MMP16: variants seen among roughly 807,000 people sequenced by gnomAD.
MMP16 encodes matrix metallopeptidase 16.
In MMP16, 12 loss-of-function variants were observed where a neutral mutation model predicts 67.8. That is an observed-to-expected ratio of 0.18 (90% CI 0.11 to 0.29). MMP16 has a LOEUF of 0.29. Ranked by LOEUF, MMP16 falls within the 10% of genes least tolerant of loss-of-function variation. MMP16 has a pLI of 1.00. For missense variants in MMP16, 475 were observed against 765.7 expected (o/e 0.62, Z 4.48); for synonymous variants, 249 against 255.9 (o/e 0.97, Z 0.26).
At chr8:88,057,140 T>C (rs1007214487) in intron 7 of MMP16, among the ~76,000 whole-genome samples, 2 of 152,156 alleles carry the variant, frequency 1.3e-5, no homozygotes, top group South Asian at 2.1e-4. Context: ...ATTGACACTA[T>C]TGACCACCTT....
At chr8:88,146,728 T>C (rs1021752399) in intron 4 of MMP16, among the ~76,000 whole-genome samples, 5 of 151,950 alleles carry the variant, frequency 3.3e-5, no homozygotes, top group Non-Finnish European at 7.4e-5. Context: ...ATGAAAACAT[T>C]CTGGTATATA....
At chr8:88,325,645 T>TA (rs952286354) in intron 1 of MMP16, among the ~76,000 whole-genome samples, 12 of 152,132 alleles carry the variant, frequency 7.9e-5, no homozygotes, top group African/African-American at 2.9e-4. Flanking sequence ...AAATTTGCAA[T>TA]AAAAAAAGTC....
At chr8:88,250,220 A>G (rs1810187769) in intron 1 of MMP16, among the ~76,000 whole-genome samples, 1 of 152,042 alleles carries the variant, frequency 6.6e-6, no homozygotes, top group African/African-American at 2.4e-5. Flanking sequence ...TGCATGATCC[A>G]GCCACCAGAA....
At chr8:88,099,847 C>T (rs1239438201) in intron 6 of MMP16, among the ~76,000 whole-genome samples, 2 of 151,860 alleles carry the variant, frequency 1.3e-5, no homozygotes, top group Non-Finnish European at 2.9e-5. Flanking sequence ...CTTTACTTTG[C>T]ATTTTATATA....
chr8:88,069,162 T>C (rs546846635), intron 7 of MMP16: 194 of 237,208 alleles, frequency 8.2e-4, no homozygotes, highest in African/African-American at 4.3e-3. Context: ...ATAAATGTCA[T>C]TGTAATAATA....
chr8:88,247,399 T>C (rs575484526), intron 1 of MMP16, among the ~76,000 whole-genome samples: 4 of 152,082 alleles, frequency 2.6e-5, no homozygotes, highest in Admixed American at 6.5e-5. Flanking sequence ...TTCAGAAACA[T>C]GTGACGAGGC....
At chr8:88,153,147 C>T (rs1302764882) in intron 4 of MMP16, among the ~76,000 whole-genome samples, 5 of 146,112 alleles carry the variant, frequency 3.4e-5, no homozygotes, top group East Asian at 2.0e-4. Context: ...ACCTAGGAAT[C>T]CAACTTACAA....
chr8:88,175,994 A>C (rs1407992004), intron 3 of MMP16, among the ~76,000 whole-genome samples: 1 of 152,222 alleles, frequency 6.6e-6, no homozygotes, highest in Non-Finnish European at 1.5e-5. Context: ...CTGTGAGTCC[A>C]TTAAACTGTT....
At chr8:88,198,985 C>T (rs891867609) in intron 1 of MMP16, among the ~76,000 whole-genome samples, 2 of 152,012 alleles carry the variant, frequency 1.3e-5, no homozygotes, top group African/African-American at 4.8e-5. Flanking sequence ...AAAGTCAATA[C>T]CTATTGTTAA....
intron 1 of MMP16, among the ~76,000 whole-genome samples, chr8:88,312,795 C>A (rs1016852028): frequency 4.6e-5 from 7 of 152,014 alleles, no homozygotes; most frequent in Non-Finnish European, 4.4e-5. Context: ...ACGGTGAAAC[C>A]CCATCTCTAC....
chr8:88,284,396 T>A (rs1379394849), intron 1 of MMP16, among the ~76,000 whole-genome samples: 1 of 152,128 alleles, frequency 6.6e-6, no homozygotes, highest in Non-Finnish European at 1.5e-5. Context: ...TTAGAAAGGA[T>A]CTCAAGGATC....
intron 1 of MMP16, among the ~76,000 whole-genome samples, chr8:88,271,725 C>T (rs756134617): frequency 1.2e-4 from 19 of 152,254 alleles, no homozygotes; most frequent in African/African-American, 3.6e-4. Flanking sequence ...TATGATCCCA[C>T]GGACACAAAT....
intron 1 of MMP16, among the ~76,000 whole-genome samples, chr8:88,198,606 TA>T (rs1354499440): frequency 6.6e-6 from 1 of 152,002 alleles, no homozygotes; most frequent in African/African-American, 2.4e-5. Flanking sequence ...GTATTAAATG[TA>T]TCAAAGTCTT....
intron 4 of MMP16, among the ~76,000 whole-genome samples, chr8:88,126,186 T>A (rs1807928331): frequency 6.6e-6 from 1 of 151,872 alleles, no homozygotes; most frequent in African/African-American, 2.4e-5. Flanking sequence ...CAATTTATCA[T>A]AGCATATAAT....
intron 1 of MMP16, among the ~76,000 whole-genome samples, chr8:88,270,290 T>C (rs1447776236): frequency 6.6e-6 from 1 of 152,202 alleles, no homozygotes; most frequent in Non-Finnish European, 1.5e-5. Flanking sequence ...ATCTTGATAC[T>C]ACAATCCCAT....
intron 1 of MMP16, among the ~76,000 whole-genome samples, chr8:88,277,918 T>C (rs1282609946): frequency 6.6e-6 from 1 of 152,146 alleles, no homozygotes; most frequent in African/African-American, 2.4e-5. Context: ...GATATGCTGA[T>C]ATTTGAAGGG....
intron 1 of MMP16, among the ~76,000 whole-genome samples, chr8:88,223,222 G>A (rs1336579761): frequency 1.3e-5 from 2 of 152,138 alleles, no homozygotes; most frequent in Admixed American, 6.5e-5. Flanking sequence ...TGGAGAAATA[G>A]GAATGCTTTT....
At chr8:88,157,984 C>G (rs1808543006) in intron 4 of MMP16, among the ~76,000 whole-genome samples, 1 of 152,126 alleles carries the variant, frequency 6.6e-6, no homozygotes. Flanking sequence ...ATCCATGTCC[C>G]TACAAAGGAC....
chr8:88,245,709 T>A lies in MMP16; in HGVS notation c.133-48403A>T, dbSNP rs577514105. Among the ~76,000 whole-genome samples, 4 of 152,168 alleles carry A rather than the reference T, an allele frequency of 2.6e-5. No homozygotes were observed. The East Asian group carries it at 7.8e-4, about 30-fold the overall frequency. Reference sequence around the variant, plus strand: ...GGCCCAAGTGGCTGCAAATTTCAGGTGTTCAGCAGAAGCGGCATTCAACAG... The same window carrying A: ...GGCCCAAGTGGCTGCAAATTTCAGGAGTTCAGCAGAAGCGGCATTCAACAG... On this transcript the variant is annotated intron_variant, in intron 1 of 9. Coordinates refer to ENST00000286614, the MANE Select transcript of MMP16 (RefSeq NM_005941.5).
Sources: allele counts gnomAD v4.1 joint callset (sites outside exome capture counted in the v4.1 genomes callset), GRCh38; gene constraint gnomAD v4.1.1; transcripts MANE v1.5; gene names NCBI Gene and HGNC (gene_info 2026-07-23, HGNC 2026-07-21).